ABCA4: variants seen among roughly 807,000 people sequenced by gnomAD.
ABCA4 encodes the protein retinal-specific phospholipid-transporting ATPase ABCA4.
ABCA4 carries 196 observed loss-of-function variants against 263.7 expected under a neutral mutation model. That is an observed-to-expected ratio of 0.74 (90% confidence interval 0.66 to 0.84). ABCA4 has a LOEUF of 0.84. Among genes scored for constraint, ABCA4 ranks in the 40% least tolerant of loss-of-function variants. The pLI, the probability that ABCA4 is intolerant of heterozygous loss-of-function variation, is 0.00. For synonymous variants in ABCA4, 1,133 were observed against 1,094.2 expected, an observed-to-expected ratio of 1.04 and a Z score of -0.70; for missense variants, 2,792 against 2,855.1, an observed-to-expected ratio of 0.98 and a Z score of 0.50.
chr1:94,109,093 T>C (rs1662524538), intron 3 of ABCA4, among the ~76,000 whole-genome samples: 3 of 152,240 alleles, frequency 2.0e-5, no homozygotes, highest in Non-Finnish European at 2.9e-5. Flanking sequence ...TATTTAAAGA[T>C]ACTATGTGTC....
intron 11 of ABCA4, among the ~76,000 whole-genome samples, chr1:94,069,114 C>A (rs377332061): frequency 6.6e-6 from 1 of 152,186 alleles, no homozygotes; most frequent in Non-Finnish European, 1.5e-5. Context: ...CCCTCTCCAG[C>A]GCAGGCAGCT....
chr1:94,115,474 C>A (rs1484668440), intron 1 of ABCA4, among the ~76,000 whole-genome samples: 1 of 152,140 alleles, frequency 6.6e-6, no homozygotes, highest in East Asian at 1.9e-4. Flanking sequence ...ATTTTTCCTA[C>A]AGTGTACACT....
At chr1:94,073,609 T>G (rs1661464470) in intron 11 of ABCA4, among the ~76,000 whole-genome samples, 1 of 152,188 alleles carries the variant, frequency 6.6e-6, no homozygotes, top group African/African-American at 2.4e-5. Flanking sequence ...TATCCCTATT[T>G]TATAGACTTG....
At chr1:93,998,775 G>A (rs904303438) in intron 47 of ABCA4, among the ~76,000 whole-genome samples, 4 of 129,324 alleles carry the variant, frequency 3.1e-5, no homozygotes, top group East Asian at 4.6e-4. Context: ...CAGTCTCACC[G>A]TTGCCCAGGC....
At chr1:94,061,431 T>A (rs927140146) in intron 13 of ABCA4, 11 of 154,522 alleles carry the variant, frequency 7.1e-5, no homozygotes, top group Admixed American at 5.7e-4. Flanking sequence ...TCTTGTGAAC[T>A]TTACACGTTT....
intron 48 of ABCA4, among the ~76,000 whole-genome samples, chr1:93,996,828 A>G (rs544937657): frequency 6.6e-6 from 1 of 152,364 alleles, no homozygotes; most frequent in Non-Finnish European, 1.5e-5. Flanking sequence ...ATTCTGGCAC[A>G]TGATACAACA....
chr1:94,059,694 C>T (rs1156708795), intron 14 of ABCA4: 1 of 152,364 alleles, frequency 6.6e-6, no homozygotes, highest in African/African-American at 2.4e-5. Context: ...CAAGCTCAAT[C>T]AGTCCATCTC....
chr1:94,001,355 C>G (rs1031093692), intron 45 of ABCA4, among the ~76,000 whole-genome samples: 1 of 152,224 alleles, frequency 6.6e-6, no homozygotes, highest in African/African-American at 2.4e-5. Context: ...TGGATTAAGG[C>G]AATGACAGAA....
At chr1:94,064,490 A>G (rs1661213316) in intron 11 of ABCA4, among the ~76,000 whole-genome samples, 1 of 152,204 alleles carries the variant, frequency 6.6e-6, no homozygotes, top group Admixed American at 6.5e-5. Context: ...GCTCAGGCAC[A>G]GGGAACAGCA....
chr1:94,008,644 C>A (rs1274649296), intron 41 of ABCA4, 107 bp downstream of exon 41: 30 of 1,515,658 alleles, frequency 2.0e-5, no homozygotes, highest in Non-Finnish European at 2.6e-5. Flanking sequence ...AAACTGGGAA[C>A]CAAATTGCTT....
In ABCA4 at chr1:94,020,692, C is replaced by T. The variant is rs1571257400; in HGVS notation, c.5018+548G>A. On this transcript the variant is annotated intron_variant, in intron 35 of 49. Transcript: ENST00000370225. ...GACCCCACAACGTTGCTGAAGTTTG[C>T]ACTAACAAAGGTGCTCCTACCAACC... is the stretch of plus-strand genomic sequence containing the variant. Among the ~76,000 whole-genome samples the T allele has an allele frequency of 2.6e-5, 4 of 152,198 alleles. No homozygotes were observed. In the South Asian group the frequency reaches 8.3e-4, roughly 32 times the overall value.
rs1436257994 is a variant in ABCA4, at chr1:94,008,822, C to T, written c.5764G>A (p.Ala1922Thr). Residue 1922 changes from alanine (A) to threonine (T), a missense_variant, in exon 41 of 50, where the codon GCT (alanine) becomes ACT (threonine). Transcript: ENST00000370225. ...EPIVDEDDDV[A>T]EERQRIITGG... ...GTAATAATTCTTTGTCTTTCTTCAG[C>T]CACATCATCATCTTCATCAACAATG... 2 of 1,613,614 alleles carry T rather than the reference C, an allele frequency of 1.2e-6. No individual in the cohort carries two copies. The highest frequency in any genetic ancestry group is 1.7e-6 in the Non-Finnish European group (2 of 1,179,956).
chr1:93,998,538 G>A (rs193157627), intron 47 of ABCA4, among the ~76,000 whole-genome samples: 132 of 151,942 alleles, frequency 8.7e-4, no homozygotes, highest in Non-Finnish European at 3.5e-4. Flanking sequence ...AAGAAATACT[G>A]GGGATTAAAG....
At chr1:94,064,647 A>G (rs1312617544) in intron 11 of ABCA4, among the ~76,000 whole-genome samples, 1 of 152,164 alleles carries the variant, frequency 6.6e-6, no homozygotes, top group Non-Finnish European at 1.5e-5. Context: ...GGGCCAGGGC[A>G]TCCATATCTT....
chr1:94,019,900 G>T, intron 35 of ABCA4, 141 bp from the exon 36 acceptor site: 3 of 867,894 alleles, frequency 3.5e-6, no homozygotes, highest in Non-Finnish European at 5.7e-6. Context: ...CCTTGAAGCT[G>T]TCACTCCACT....
At chr1:94,006,524 A>T (rs1659392015) in intron 43 of ABCA4, among the ~76,000 whole-genome samples, 1 of 152,170 alleles carries the variant, frequency 6.6e-6, no homozygotes, top group African/African-American at 2.4e-5. Context: ...ATGGTATGAT[A>T]TCTCTACCCT....
At chr1:94,000,976 C>T in intron 46 of ABCA4, 26 bp downstream of exon 46, 1 of 1,614,078 alleles carries the variant, frequency 6.2e-7, no homozygotes, top group Non-Finnish European at 8.5e-7. Context: ...TCCCACCCAC[C>T]TTCCCCAGCC....
intron 19 of ABCA4, among the ~76,000 whole-genome samples, chr1:94,046,175 G>A (rs1248993050): frequency 6.6e-6 from 1 of 151,216 alleles, no homozygotes; most frequent in African/African-American, 2.4e-5. Context: ...TGGTGCGGTC[G>A]CTCACGCCTG....
chr1:94,022,086 C>G (rs1659919366), intron 32 of ABCA4, 135 bp from the exon 33 acceptor site: 13 of 766,026 alleles, frequency 1.7e-5, no homozygotes, highest in Middle Eastern at 2.3e-4. Context: ...CTCCACTTTA[C>G]AAACCAGCTT....
Sources: allele counts gnomAD v4.1 joint callset (sites outside exome capture counted in the v4.1 genomes callset), GRCh38; gene constraint gnomAD v4.1.1; transcripts MANE v1.5; gene names NCBI Gene and HGNC (gene_info 2026-07-23, HGNC 2026-07-21).